The following SYN3 variants were observed in gnomAD, a reference collection of about 807,000 sequenced individuals.
SYN3 encodes the protein synapsin-3.
SYN3 carries 35 observed loss-of-function variants against 65.8 expected under a neutral mutation model. That is an observed-to-expected ratio of 0.53 (90% confidence interval 0.41 to 0.70). The LOEUF (loss-of-function observed/expected upper bound fraction) is 0.70, where lower values mean the gene tolerates loss of function less well. Ranked by LOEUF, SYN3 falls within the 30% of genes least tolerant of loss-of-function variation. SYN3 has a pLI of 0.00. For synonymous variants in SYN3, 270 were observed against 292.9 expected (o/e 0.92, Z 0.80); for missense variants, 680 against 749.0 (o/e 0.91, Z 1.08).
intron 6 of SYN3, among the ~76,000 whole-genome samples, chr22:32,687,683 A>G (rs1200650503): frequency 6.7e-6 from 1 of 150,230 alleles, no homozygotes; most frequent in African/African-American, 2.5e-5. Flanking sequence ...ACCTTGTATC[A>G]CTCTCCCCCT....
chr22:32,908,167 C>A (rs1456710708), intron 4 of SYN3, among the ~76,000 whole-genome samples: 2 of 151,742 alleles, frequency 1.3e-5, no homozygotes, highest in Non-Finnish European at 2.9e-5. Context: ...CTCACTGCAA[C>A]CTCCGCCTCC....
At chr22:32,953,611 C>G (rs1322426108) in intron 3 of SYN3, among the ~76,000 whole-genome samples, 1 of 151,986 alleles carries the variant, frequency 6.6e-6, no homozygotes. Flanking sequence ...ATTCAAGGAA[C>G]AGCAAGAAAA....
intron 6 of SYN3, among the ~76,000 whole-genome samples, chr22:32,833,584 G>A (rs2047641427): frequency 6.6e-6 from 1 of 152,212 alleles, no homozygotes; most frequent in Non-Finnish European, 1.5e-5. Flanking sequence ...TCTGTGGCCT[G>A]TGAAATGTGC....
At chr22:32,780,143 C>A (rs959433343) in intron 6 of SYN3, among the ~76,000 whole-genome samples, 2 of 151,902 alleles carry the variant, frequency 1.3e-5, no homozygotes, top group Non-Finnish European at 2.9e-5. Context: ...AAGCCTTCTG[C>A]CCTGATCTCT....
intron 4 of SYN3, among the ~76,000 whole-genome samples, chr22:32,901,504 TG>T (rs1048086314): frequency 4.6e-5 from 7 of 152,220 alleles, no homozygotes; most frequent in Admixed American, 2.0e-4. Context: ...CTTCCCTCAC[TG>T]CACAGCTCAC....
At chr22:33,046,608 C>T (rs868561816) in intron 1 of SYN3, among the ~76,000 whole-genome samples, 11 of 151,950 alleles carry the variant, frequency 7.2e-5, no homozygotes, top group Admixed American at 3.3e-4. Flanking sequence ...TTTGGGAGGC[C>T]GAGGCAGGTG....
intron 3 of SYN3, among the ~76,000 whole-genome samples, chr22:32,954,620 G>C (rs1349135495): frequency 6.6e-6 from 1 of 152,188 alleles, no homozygotes; most frequent in Non-Finnish European, 1.5e-5. Context: ...GGTGCATTAA[G>C]ATCAAGATGT....
intron 3 of SYN3, among the ~76,000 whole-genome samples, chr22:32,949,354 T>C (rs1431805375): frequency 6.6e-6 from 1 of 151,876 alleles, no homozygotes; most frequent in African/African-American, 2.4e-5. Context: ...AGTTCAAGGC[T>C]GCAGTGAGCT....
intron 4 of SYN3, among the ~76,000 whole-genome samples, chr22:32,872,936 C>CTTTTTTT (rs35506480): frequency 8.7e-6 from 1 of 115,202 alleles, no homozygotes; most frequent in Non-Finnish European, 1.7e-5. Flanking sequence ...GCCCTAAGCA[C>CTTTTTTT]TTTTTTTTTT....
At chr22:32,844,031 C>T (rs897290744) in intron 6 of SYN3, among the ~76,000 whole-genome samples, 3 of 152,094 alleles carry the variant, frequency 2.0e-5, no homozygotes, top group Non-Finnish European at 2.9e-5. Flanking sequence ...GTTGATGCTA[C>T]CATGGGTGGA....
intron 6 of SYN3, among the ~76,000 whole-genome samples, chr22:32,604,541 A>C: frequency 1.9e-5 from 2 of 107,852 alleles, no homozygotes; most frequent in African/African-American, 7.3e-5. Flanking sequence ...CCGCTGAGAT[A>C]CCCTCCCTCA....
chr22:32,783,128 G>A (rs969901412), intron 6 of SYN3: 1 of 152,188 alleles, frequency 6.6e-6, no homozygotes, highest in Non-Finnish European at 1.5e-5. Context: ...TTAGCTTCTC[G>A]GACAGTCACT....
intron 2 of SYN3, among the ~76,000 whole-genome samples, chr22:32,987,383 A>G (rs756671435): frequency 6.6e-6 from 1 of 152,150 alleles, no homozygotes; most frequent in Non-Finnish European, 1.5e-5. Flanking sequence ...GATGTGGCAG[A>G]AGAAAGACCT....
chr22:32,516,343 T>TTTGATTGATTGA (rs771874240), intron 13 of SYN3, among the ~76,000 whole-genome samples: 15 of 140,458 alleles, frequency 1.1e-4, no homozygotes, highest in African/African-American at 3.9e-4. Context: ...AACATACATC[T>TTTGATTGATTGA]TTGATTTATT....
At chr22:32,993,161 A>G (rs1373671921) in intron 2 of SYN3, among the ~76,000 whole-genome samples, 3 of 151,876 alleles carry the variant, frequency 2.0e-5, no homozygotes, top group Admixed American at 6.6e-5. Context: ...GGGCCCAGGG[A>G]TCCAGGGACC....
At chr22:32,595,519 T>C (rs2059186239) in intron 7 of SYN3, among the ~76,000 whole-genome samples, 1 of 152,148 alleles carries the variant, frequency 6.6e-6, no homozygotes, top group Non-Finnish European at 1.5e-5. Context: ...GTGAGATATA[T>C]TATATTATTG....
chr22:32,821,593 T>A (rs975863463), intron 6 of SYN3, among the ~76,000 whole-genome samples: 2 of 152,192 alleles, frequency 1.3e-5, no homozygotes, highest in South Asian at 2.1e-4. Flanking sequence ...AGAATTAAGA[T>A]GATCTCAGCT....
chr22:32,873,249 C>A (rs1282136909), intron 4 of SYN3, among the ~76,000 whole-genome samples: 1 of 147,540 alleles, frequency 6.8e-6, no homozygotes, highest in Non-Finnish European at 1.5e-5. Context: ...CCGTGCCCGG[C>A]CAGCATTTGT....
intron 6 of SYN3, chr22:32,859,167 T>TATCTA: frequency 6.2e-7 from 1 of 1,614,164 alleles, no homozygotes; most frequent in Non-Finnish European, 8.5e-7. Context: ...TGCTGCCTGT[T>TATCTA]ATCTAATTGC....
Sources: gnomAD v4.1 joint callset for allele counts (sites outside exome capture counted in the v4.1 genomes callset) on GRCh38, gnomAD v4.1.1 for gene constraint, MANE v1.5 for transcripts, NCBI Gene and HGNC (gene_info 2026-07-23, HGNC 2026-07-21) for gene names.